The following SGCD variants were observed in gnomAD, a reference collection of about 807,000 sequenced individuals.
The protein encoded by SGCD is sarcoglycan delta, also known as delta-sarcoglycan.
Under a neutral mutation model 36.6 loss-of-function variants are expected in SGCD, and 18 were observed. That is an observed-to-expected ratio of 0.49 (90% CI 0.34 to 0.73). SGCD has a LOEUF of 0.73. Ranked by LOEUF, SGCD falls within the 30% of genes least tolerant of loss-of-function variation. The pLI, the probability that SGCD is intolerant of heterozygous loss-of-function variation, is 0.01. For missense variants in SGCD, 387 were observed against 346.7 expected, an observed-to-expected ratio of 1.12 and a Z score of -0.92; for synonymous variants, 133 against 130.6, an observed-to-expected ratio of 1.02 and a Z score of -0.12.
intron 4 of SGCD, among the ~76,000 whole-genome samples, chr5:156,562,413 G>C (rs1338562869): frequency 1.3e-5 from 2 of 152,044 alleles, no homozygotes; most frequent in Non-Finnish European, 2.9e-5. Context: ...CCTGGCCAAA[G>C]TGAAAGGCAA....
chr5:156,244,447 A>G (rs770859955), intron 3 of SGCD, among the ~76,000 whole-genome samples: 1 of 152,206 alleles, frequency 6.6e-6, no homozygotes, highest in Non-Finnish European at 1.5e-5. Context: ...TCTTTGCTGT[A>G]TAACAGGATG....
At chr5:155,856,798 C>A in the SGCD span, among the ~76,000 whole-genome samples, 1 of 152,110 alleles carries the variant, frequency 6.6e-6, no homozygotes, top group East Asian at 1.9e-4. Flanking sequence ...CAATGAGATA[C>A]CATTACACAT....
intron 1 of SGCD, among the ~76,000 whole-genome samples, chr5:156,003,091 C>T (rs184758816): frequency 6.4e-4 from 97 of 152,316 alleles, no homozygotes; most frequent in African/African-American, 2.1e-3. Context: ...CCACTTACCT[C>T]GTAATTTTAG....
chr5:156,410,815 A>G (rs182474779), intron 3 of SGCD, among the ~76,000 whole-genome samples: 145 of 151,670 alleles, frequency 9.6e-4, no homozygotes, highest in African/African-American at 3.2e-3. Flanking sequence ...AAGGGGCCTC[A>G]TTTTTCTGTC....
rs532123819 is a variant in SGCD at position 156,271,314 on chromosome 5, T to C, written c.-43-58220T>C. On this transcript the variant is annotated intron_variant, in intron 3 of 9. Coordinates refer to the SGCD transcript ENST00000517913. ...TGGAAAAAAGATTGTTTTGTTGCCTTTCTATCTGGAGGGGTCCTGCAGTTT... is the reference window on the plus strand; with the variant it reads ...TGGAAAAAAGATTGTTTTGTTGCCTCTCTATCTGGAGGGGTCCTGCAGTTT... Among the ~76,000 whole-genome samples, 3 of 152,220 alleles carry C rather than the reference T, an allele frequency of 2.0e-5. No individual in the cohort carries two copies. The East Asian group carries it at 5.8e-4, about 29-fold the overall frequency.
chr5:156,460,171 G>A (rs1311254447), intron 3 of SGCD, among the ~76,000 whole-genome samples: 1 of 152,036 alleles, frequency 6.6e-6, no homozygotes, highest in Non-Finnish European at 1.5e-5. Flanking sequence ...TCAAGGAGGG[G>A]GACAACTACC....
At chr5:156,748,181 G>T (rs907139044) in intron 7 of SGCD, among the ~76,000 whole-genome samples, 3 of 152,162 alleles carry the variant, frequency 2.0e-5, no homozygotes, top group Non-Finnish European at 4.4e-5. Flanking sequence ...TTTATCTGTG[G>T]TGCTAGAAAT....
intron 3 of SGCD, among the ~76,000 whole-genome samples, chr5:156,415,588 A>G (rs1426317628): frequency 2.0e-5 from 3 of 152,212 alleles, no homozygotes; most frequent in East Asian, 1.9e-4. Flanking sequence ...ATGAGTGGCC[A>G]TAATTCCGCA....
intron 1 of SGCD, among the ~76,000 whole-genome samples, chr5:156,037,122 A>G (rs935008664): frequency 2.6e-5 from 4 of 152,220 alleles, no homozygotes; most frequent in African/African-American, 9.6e-5. Flanking sequence ...TTCAATTACA[A>G]CACAGACATG....
chr5:155,870,144 G>A (rs1755603731), upstream of SGCD, among the ~76,000 whole-genome samples: 1 of 152,222 alleles, frequency 6.6e-6, no homozygotes, highest in Admixed American at 6.5e-5. Flanking sequence ...ACTGGTGAGA[G>A]CACAGACTCT....
chr5:155,837,244 G>A, the SGCD span, among the ~76,000 whole-genome samples: 143 of 152,112 alleles, frequency 9.4e-4, no homozygotes, highest in African/African-American at 3.3e-3. Flanking sequence ...TGTAACTTCC[G>A]CCTCCAGGGT....
chr5:155,822,447 T>C, the SGCD span, among the ~76,000 whole-genome samples: 1 of 152,334 alleles, frequency 6.6e-6, no homozygotes, highest in Admixed American at 6.5e-5. Flanking sequence ...TGAAATGTCC[T>C]GAAATTGACG....
the SGCD span, among the ~76,000 whole-genome samples, chr5:155,863,393 C>T: frequency 6.6e-6 from 1 of 152,200 alleles, no homozygotes; most frequent in East Asian, 1.9e-4. Flanking sequence ...GATCTTCAAC[C>T]ACGATGCAGA....
intron 3 of SGCD, among the ~76,000 whole-genome samples, chr5:156,207,720 A>G (rs946921576): frequency 2.0e-5 from 3 of 152,194 alleles, no homozygotes; most frequent in Non-Finnish European, 4.4e-5. Flanking sequence ...ATGGTAAGAT[A>G]AAGAAGCTAC....
chr5:155,937,279 C>T (rs1027442788), intron 1 of SGCD, among the ~76,000 whole-genome samples: 4 of 152,206 alleles, frequency 2.6e-5, no homozygotes, highest in African/African-American at 9.7e-5. Context: ...CCCACTGCAG[C>T]CAGCATCTTG....
chr5:156,611,940 A>G (rs1383149450), intron 6 of SGCD, among the ~76,000 whole-genome samples: 1 of 152,192 alleles, frequency 6.6e-6, no homozygotes, highest in Admixed American at 6.5e-5. Context: ...TTTTATAATT[A>G]TCTCTGTTGA....
chr5:155,938,478 C>T lies in SGCD; in HGVS notation c.-282+68054C>T, dbSNP rs559466678. On this transcript the variant is annotated intron_variant, in intron 1 of 9. Coordinates refer to the SGCD transcript ENST00000517913. ...GAGGTGTCAGGCTGGCTGTTACTGG[C>T]GTTTCATTAATCACCCTGTCCTTTT... is the stretch of plus-strand genomic sequence containing the variant. 1.8e-4 allele frequency among the ~76,000 whole-genome samples: 28 copies of T among 152,274 alleles called. No individual in the cohort carries two copies. The South Asian group carries it at 2.5e-3, about 14-fold the overall frequency.
the SGCD span, among the ~76,000 whole-genome samples, chr5:155,864,519 G>A: frequency 6.6e-6 from 1 of 152,136 alleles, no homozygotes; most frequent in Non-Finnish European, 1.5e-5. Flanking sequence ...AGGAGGGCTA[G>A]GTTATTGAAA....
At chr5:156,230,570 A>T (rs249875) in intron 3 of SGCD, among the ~76,000 whole-genome samples, 88,880 of 151,876 alleles carry the variant, frequency 0.59, 26,180 homozygotes, top group East Asian at 0.69. Context: ...CCTGTTAGTA[A>T]TTGGGGTGTC....
Sources: gnomAD v4.1 joint callset for allele counts (sites outside exome capture counted in the v4.1 genomes callset) on GRCh38, gnomAD v4.1.1 for gene constraint, MANE v1.5 for transcripts, NCBI Gene and HGNC (gene_info 2026-07-23, HGNC 2026-07-21) for gene names.